Variants in AKAP13 observed in about 807,000 individuals in gnomAD.
AKAP13 encodes the protein A-kinase anchoring protein 13.
AKAP13 carries 80 observed loss-of-function variants against 264.5 expected under a neutral mutation model. The ratio of observed to expected loss-of-function variants is 0.30; its 90% CI spans 0.25 to 0.36. The LOEUF is 0.36. AKAP13 is among the 10% of genes least tolerant of loss of function. The pLI is 1.00. For synonymous variants in AKAP13, 1,380 were observed against 1,250.2 expected (o/e 1.10, Z -2.19); for missense variants, 3,712 against 3,435.2 (o/e 1.08, Z -2.01).
At chr15:85,517,152 A>G (rs966445057) in intron 2 of AKAP13, among the ~76,000 whole-genome samples, 5 of 152,136 alleles carry the variant, frequency 3.3e-5, no homozygotes, top group African/African-American at 7.2e-5. Flanking sequence ...TTGAAAATCT[A>G]TGGCTGACAC....
At chr15:85,489,149 G>C (rs1293198622) in intron 2 of AKAP13, among the ~76,000 whole-genome samples, 1 of 152,204 alleles carries the variant, frequency 6.6e-6, no homozygotes, top group Non-Finnish European at 1.5e-5. Flanking sequence ...ACAGCTAATT[G>C]GTGGTAAATT....
rs760310221 is a variant in AKAP13 at position 85,580,703 on chromosome 15, G to A, written c.2635G>A (p.Ala879Thr). The A allele has an allele frequency of 3.1e-5, 50 of 1,614,168 alleles. No homozygotes were observed. In the East Asian group the frequency reaches 8.2e-4, roughly 27 times the overall value. ...GGEHEGPAPP[A>T]IPEALNIKGN... ...AGAGCATGAGGGTCCCGCCCCTCCA[G>A]CAATCCCAGAAGCTCTGAATATCAA... Residue 879 changes from alanine to threonine, a missense_variant, in exon 7 of 37, where the codon GCA becomes ACA. Ala to Thr is a moderately conservative substitution (Grantham distance 58). Coordinates refer to ENST00000394518, the MANE Select transcript of AKAP13 (RefSeq NM_007200.5).
intron 17 of AKAP13, among the ~76,000 whole-genome samples, chr15:85,706,509 G>A (rs1195671032): frequency 6.6e-6 from 1 of 152,142 alleles, no homozygotes; most frequent in African/African-American, 2.4e-5. Flanking sequence ...GTCAAGAAGG[G>A]ACTAGGGTCA....
intron 31 of AKAP13, 67 bp downstream of exon 31, chr15:85,735,217 T>A (rs2088355286): frequency 1.3e-6 from 2 of 1,557,804 alleles, no homozygotes; most frequent in Admixed American, 3.9e-5. Flanking sequence ...TCAAAATGAC[T>A]TGTACTTTAG....
In AKAP13 at chr15:85,505,708, A is replaced by T. The variant is rs564046920; in HGVS notation, c.34-15720A>T. Among the ~76,000 whole-genome samples the T allele has an allele frequency of 5.3e-5, 8 of 152,314 alleles. No individual in the cohort carries two copies. In the East Asian group the frequency reaches 1.3e-3, roughly 26 times the overall value. ...TGAGGTGTCTTTTAAAGAAAGATTT[A>T]TAAAAATGGCTTTGTTGGCTAGTTT... On this transcript the variant is annotated intron_variant, in intron 2 of 36. Coordinates refer to ENST00000394518, the MANE Select transcript of AKAP13 (RefSeq NM_007200.5).
chr15:85,542,182 C>G (rs987825117), intron 4 of AKAP13, among the ~76,000 whole-genome samples: 1 of 152,184 alleles, frequency 6.6e-6, no homozygotes, highest in Non-Finnish European at 1.5e-5. Flanking sequence ...TTTGTCTGGC[C>G]TTGCCATCTG....
At chr15:85,669,942 CTTCT>C (rs2151564782) in intron 14 of AKAP13, 112 bp downstream of exon 14, 1 of 622,656 alleles carries the variant, frequency 1.6e-6, no homozygotes, top group East Asian at 3.1e-5. Context: ...TTGCTTACTA[CTTCT>C]TTGAGTGAAT....
At chr15:85,589,070 TCTGA>T (rs1370390853) in intron 8 of AKAP13, among the ~76,000 whole-genome samples, 1 of 152,202 alleles carries the variant, frequency 6.6e-6, no homozygotes, top group Non-Finnish European at 1.5e-5. Context: ...TGATGTGAAA[TCTGA>T]CTACTTAACT....
At chr15:85,617,277 C>T (rs1225632383) in intron 8 of AKAP13, among the ~76,000 whole-genome samples, 1 of 152,282 alleles carries the variant, frequency 6.6e-6, no homozygotes, top group East Asian at 1.9e-4. Flanking sequence ...CGGAGTCTTG[C>T]TCTGTTGCCA....
chr15:85,413,160 T>G (rs1252630651), intron 1 of AKAP13, among the ~76,000 whole-genome samples: 1 of 152,206 alleles, frequency 6.6e-6, no homozygotes, highest in Non-Finnish European at 1.5e-5. Context: ...GTCTGAAGAT[T>G]GTTGATGCAA....
At chr15:85,427,432 C>T (rs901296319) in intron 1 of AKAP13, among the ~76,000 whole-genome samples, 10 of 151,986 alleles carry the variant, frequency 6.6e-5, no homozygotes, top group African/African-American at 7.3e-5. Flanking sequence ...TAATCCTAAA[C>T]GCTTGATAGA....
chr15:85,459,717 T>G (rs1165774182), intron 1 of AKAP13, among the ~76,000 whole-genome samples: 2 of 152,142 alleles, frequency 1.3e-5, no homozygotes, highest in Admixed American at 6.5e-5. Context: ...GCCAGGATAG[T>G]CTCAATCTCC....
chr15:85,497,066 T>G (rs1375752640), intron 2 of AKAP13, among the ~76,000 whole-genome samples: 1 of 152,230 alleles, frequency 6.6e-6, no homozygotes, highest in African/African-American at 2.4e-5. Flanking sequence ...TACAGGATAC[T>G]TTTTCAATAA....
chr15:85,419,290 T>C (rs921084257), intron 1 of AKAP13, among the ~76,000 whole-genome samples: 1 of 152,230 alleles, frequency 6.6e-6, no homozygotes, highest in Non-Finnish European at 1.5e-5. Flanking sequence ...AGGGCCACTT[T>C]ATAAAATGCT....
intron 8 of AKAP13, among the ~76,000 whole-genome samples, chr15:85,620,367 A>G (rs374070727): frequency 1.3e-5 from 2 of 152,342 alleles, no homozygotes; most frequent in South Asian, 2.1e-4. Flanking sequence ...GGTAATCAGC[A>G]TTGGACCACT....
rs774597134 is a variant in AKAP13 at position 85,579,166 on chromosome 15, C to G, written c.1098C>G (p.Asp366Glu). The part of the protein sequence containing the change: ...LSSIVEEENT[D>E]RSCRKKNKGV... ...GCATAGTTGAGGAGGAGAATACAGA[C>G]CGTTCCTGTAGGAAGAAAAATAAAG... The change falls in exon 7 of 37, where the codon GAC (aspartate) becomes GAG (glutamate). Residue 366 changes from aspartate to glutamate, a missense_variant. Asp to Glu is a conservative substitution (Grantham distance 45, BLOSUM62 2). Around this residue, in one of 3 missense-constraint regions of AKAP13, gnomAD observed 2,759 missense variants for 2,411.7 expected, o/e 1.14. Transcript: ENST00000394518. 6.2e-7 allele frequency: 1 copy of G among 1,614,096 alleles called. No individual in the cohort carries two copies. Among genetic ancestry groups the G allele is most frequent in the Admixed American group, 1.7e-5 (1 of 60,004 alleles).
intron 17 of AKAP13, among the ~76,000 whole-genome samples, chr15:85,704,536 C>T (rs1490814164): frequency 6.6e-6 from 1 of 152,102 alleles, no homozygotes; most frequent in Non-Finnish European, 1.5e-5. Context: ...GGTTTGATGC[C>T]TCCTTGTAGC....
intron 16 of AKAP13, among the ~76,000 whole-genome samples, chr15:85,691,139 G>A (rs977568744): frequency 6.6e-6 from 1 of 152,208 alleles, no homozygotes; most frequent in East Asian, 1.9e-4. Context: ...AAGGCATTTA[G>A]TAGTTGTCAT....
Position 85,422,089 on chromosome 15 carries a change from G to A in AKAP13, c.-12+41291G>A, listed in dbSNP as rs150122178. 6.6e-5 allele frequency among the ~76,000 whole-genome samples: 10 copies of A among 152,290 alleles called. No homozygotes were observed. The East Asian group carries it at 1.9e-3, about 29-fold the overall frequency. On this transcript the variant is annotated intron_variant, in intron 1 of 36. Transcript: ENST00000394518. ...GGCTCTATCATGATCTCTCTTGGCA[G>A]GGATTTATCCAGAGTCATTTGAATA...
Sources: allele counts gnomAD v4.1 joint callset (sites outside exome capture counted in the v4.1 genomes callset), GRCh38; gene constraint gnomAD v4.1.1; regional missense constraint gnomAD v4.1.1; transcripts MANE v1.5; gene names NCBI Gene and HGNC (gene_info 2026-07-23, HGNC 2026-07-21).